The following INPP4B variants were observed in gnomAD, a reference collection of about 807,000 sequenced individuals.
INPP4B encodes the protein inositol polyphosphate 4-phosphatase type II.
A neutral mutation model predicts 122.5 loss-of-function variants in INPP4B; 55 were observed. The observed-to-expected ratio is 0.45, with a 90% CI of 0.36 to 0.56. The LOEUF (loss-of-function observed/expected upper bound fraction) is 0.56, where lower values mean the gene tolerates loss of function less well. Ranked by LOEUF, INPP4B falls within the 20% of genes least tolerant of loss-of-function variation. INPP4B has a pLI of 0.00. For synonymous variants in INPP4B, 403 were observed against 388.7 expected (o/e 1.04, Z -0.43); for missense variants, 1,000 against 1,097.7 (o/e 0.91, Z 1.26).
At position 142,026,161 on chromosome 4, in the gene INPP4B, A is replaced by G. The variant is rs1177805679; in HGVS notation, c.*2621T>C. 2 of 152,190 alleles carry G rather than the reference A, an allele frequency of 1.3e-5. No individual in the cohort carries two copies. Among genetic ancestry groups the G allele is most frequent in the Admixed American group, 6.5e-5 (1 of 15,274 alleles). The allele number at this position is 152,190 out of a possible 1,614,324, so 9.4% of individuals were successfully genotyped here. ...TGGTGTATCTTTTAAGTGAAAATATAGATAGAATAGCATGACTGTGGCTGT... is the reference window on the plus strand; with the variant it reads ...TGGTGTATCTTTTAAGTGAAAATATGGATAGAATAGCATGACTGTGGCTGT... On this transcript the variant is annotated 3_prime_UTR_variant, in exon 26 of 26. Transcript: ENST00000262992.
rs370762865 is a variant in INPP4B at position 142,122,241 on chromosome 4, A to G, written c.2022T>C (p.Asp674=). Residue 674 remains aspartate (D), a synonymous_variant, in exon 21 of 26, where the codon GAT becomes GAC. Transcript: ENST00000262992. The part of the protein sequence containing the change: ...QYEGLLSTYS[D]EIGMLEDMAV... Reference sequence around the variant, plus strand: ...CCATGTCCTCTAGCATTCCAATTTCATCGCCTAAACAATAGAAAAGGCACT... The same window carrying G: ...CCATGTCCTCTAGCATTCCAATTTCGTCGCCTAAACAATAGAAAAGGCACT... 23 of 1,608,690 alleles carry G rather than the reference A, an allele frequency of 1.4e-5. No homozygotes were observed. The highest frequency in any genetic ancestry group is 1.8e-5 in the Non-Finnish European group (21 of 1,176,916).
intron 1 of INPP4B, among the ~76,000 whole-genome samples, chr4:142,759,512 A>T (rs1348401872): frequency 6.6e-6 from 1 of 152,140 alleles, no homozygotes; most frequent in Non-Finnish European, 1.5e-5. Flanking sequence ...GTCTCACTGC[A>T]TCTTATATTA....
intron 7 of INPP4B, among the ~76,000 whole-genome samples, chr4:142,330,294 T>C (rs1050877726): frequency 4.6e-5 from 7 of 152,210 alleles, no homozygotes; most frequent in African/African-American, 1.7e-4. Context: ...AACAGGAATT[T>C]TGAGAAGTAT....
rs535590427 is a variant in INPP4B, at chr4:142,048,441, G to A, written c.2643-19527C>T. Among the ~76,000 whole-genome samples the A allele has an allele frequency of 7.2e-5, 11 of 152,164 alleles. No individual in the cohort carries two copies. The South Asian group carries it at 2.1e-3, about 29-fold the overall frequency. On this transcript the variant is annotated intron_variant, in intron 25 of 25. Coordinates refer to ENST00000262992, the MANE Select transcript of INPP4B (RefSeq NM_001101669.3). ...CTTAGGGTGACTTGTGATGTCCCCA[G>A]TTCATACCTATTGTCCCAGAAGGAT...
intron 7 of INPP4B, among the ~76,000 whole-genome samples, chr4:142,382,627 TAA>T: frequency 1.7e-5 from 2 of 116,904 alleles, no homozygotes; most frequent in Non-Finnish European, 3.6e-5. Flanking sequence ...ATATATACTA[TAA>T]ATATATACAT....
intron 1 of INPP4B, among the ~76,000 whole-genome samples, chr4:142,799,766 T>C (rs150874095): frequency 2.4e-4 from 36 of 152,084 alleles, no homozygotes; most frequent in African/African-American, 8.4e-4. Context: ...CCCTGTTTTG[T>C]TTTTACTAAA....
intron 2 of INPP4B, among the ~76,000 whole-genome samples, chr4:142,649,724 C>A (rs1752537723): frequency 2.0e-5 from 3 of 152,022 alleles, no homozygotes; most frequent in South Asian, 4.2e-4. Context: ...TGTGAAAAGA[C>A]CAAATCTATG....
intron 18 of INPP4B, among the ~76,000 whole-genome samples, chr4:142,131,781 C>A (rs891051884): frequency 3.3e-5 from 5 of 152,134 alleles, no homozygotes; most frequent in Non-Finnish European, 7.4e-5. Context: ...TGTGGAGAAA[C>A]CCCGTCTCTA....
intron 12 of INPP4B, among the ~76,000 whole-genome samples, chr4:142,229,365 T>C (rs10017352): frequency 0.013 from 1,928 of 152,234 alleles, 46 homozygotes; most frequent in African/African-American, 0.043. Context: ...TAGATTCCTA[T>C]ATAAAATATA....
rs28851623 is a variant in INPP4B at position 142,069,041 on chromosome 4, A to G, written c.2642+12990T>C. 9.9e-3 allele frequency among the ~76,000 whole-genome samples: 1,510 copies of G among 152,322 alleles called. 22 individuals carry two copies. Among genetic ancestry groups the G allele is most frequent in the African/African-American group, 0.034 (1,424 of 41,560 alleles). ...CTACAGAATATACATTCTTCTCAGC[A>G]CCACATCACACATATTCCAAAATTG... On this transcript the variant is annotated intron_variant, in intron 25 of 25. Coordinates refer to ENST00000262992, the MANE Select transcript of INPP4B (RefSeq NM_001101669.3).
intron 2 of INPP4B, among the ~76,000 whole-genome samples, chr4:142,568,380 C>G (rs937838316): frequency 6.6e-6 from 1 of 152,094 alleles, no homozygotes; most frequent in Non-Finnish European, 1.5e-5. Flanking sequence ...ACCCAGATAT[C>G]GGCTTGCTGG....
intron 7 of INPP4B, among the ~76,000 whole-genome samples, chr4:142,387,479 TAA>T (rs199580064): frequency 1.7e-4 from 21 of 123,586 alleles, no homozygotes; most frequent in Admixed American, 3.1e-4. Context: ...GAAGTGCATT[TAA>T]AAAAAAAAAA....
rs141901510 is a variant in INPP4B, at chr4:142,810,034, G to A, written c.-254+36175C>T. 1.1e-3 allele frequency among the ~76,000 whole-genome samples: 165 copies of A among 152,054 alleles called. 1 individual carries two copies. Among genetic ancestry groups the A allele is most frequent in the African/African-American group, 3.9e-3 (160 of 41,466 alleles). On this transcript the variant is annotated intron_variant, in intron 1 of 25. Transcript: ENST00000262992. The stretch of plus-strand genomic sequence containing the variant: ...AAAATACAAAAATTAGCTGGTCATG[G>A]TGGTGGGTGCCTGTAATCCCAGCTA...
At chr4:142,310,929 T>G (rs963400387) in intron 8 of INPP4B, among the ~76,000 whole-genome samples, 1 of 152,188 alleles carries the variant, frequency 6.6e-6, no homozygotes, top group African/African-American at 2.4e-5. Flanking sequence ...GAGCATATAT[T>G]AGTATTTGCT....
At chr4:142,417,968 G>T (rs957372312) in intron 5 of INPP4B, among the ~76,000 whole-genome samples, 5 of 152,152 alleles carry the variant, frequency 3.3e-5, no homozygotes, top group African/African-American at 4.8e-5. Context: ...TCTGCAAGAA[G>T]ATTGGTTGCT....
intron 16 of INPP4B, among the ~76,000 whole-genome samples, chr4:142,166,663 G>A (rs1422047621): frequency 1.3e-5 from 2 of 150,824 alleles, no homozygotes; most frequent in African/African-American, 4.9e-5. Context: ...CTAATATCCA[G>A]AATCTACAAG....
intron 17 of INPP4B, among the ~76,000 whole-genome samples, chr4:142,148,509 C>A (rs887057350): frequency 6.6e-6 from 1 of 152,170 alleles, no homozygotes; most frequent in Admixed American, 6.5e-5. Flanking sequence ...GCCACTGCAC[C>A]AAAGGGAACT....
chr4:142,315,890 C>T (rs6812034), intron 7 of INPP4B, among the ~76,000 whole-genome samples: 18,195 of 151,644 alleles, frequency 0.12, 1,345 homozygotes, highest in Middle Eastern at 0.2. Context: ...CCTTTATGCA[C>T]ACTTCTCTTC....
At chr4:142,232,447 A>G (rs1854808753) in intron 12 of INPP4B, among the ~76,000 whole-genome samples, 2 of 152,012 alleles carry the variant, frequency 1.3e-5, no homozygotes, top group Admixed American at 6.6e-5. Context: ...CTTTGATATT[A>G]CTATTGTAAT....
Sources: allele counts gnomAD v4.1 joint callset (sites outside exome capture counted in the v4.1 genomes callset), GRCh38; gene constraint gnomAD v4.1.1; transcripts MANE v1.5; gene names NCBI Gene and HGNC (gene_info 2026-07-23, HGNC 2026-07-21).